APBB2: variants seen among roughly 807,000 people sequenced by gnomAD.
APBB2 encodes the protein amyloid beta precursor protein binding family B member 2.
A neutral mutation model predicts 82.5 loss-of-function variants in APBB2; 38 were observed. The observed-to-expected ratio is 0.46, with a 90% confidence interval of 0.36 to 0.60. The LOEUF is 0.60. Among genes scored for constraint, APBB2 ranks in the 20% least tolerant of loss-of-function variants. The pLI is 0.00. For missense variants in APBB2, 772 were observed against 972.3 expected (o/e 0.79, Z 2.74); for synonymous variants, 341 against 368.2 (o/e 0.93, Z 0.85).
chr4:40,874,868 C>CTAAG (rs1766469860), intron 12 of APBB2, among the ~76,000 whole-genome samples: 1 of 152,202 alleles, frequency 6.6e-6, no homozygotes, highest in African/African-American at 2.4e-5. Flanking sequence ...TCAAAAACTT[C>CTAAG]TTAGAAAATT....
chr4:41,151,003 G>A (rs1043772822), intron 1 of APBB2, among the ~76,000 whole-genome samples: 1 of 152,084 alleles, frequency 6.6e-6, no homozygotes, highest in East Asian at 1.9e-4. Context: ...CTCTCAAAGC[G>A]CTGGCCCAGA....
chr4:41,167,534 TTTTTA>T (rs767974202), intron 1 of APBB2, among the ~76,000 whole-genome samples: 5 of 152,206 alleles, frequency 3.3e-5, no homozygotes, highest in African/African-American at 9.7e-5. Context: ...TGTTAATTTT[TTTTTA>T]TTTTATCACA....
intron 12 of APBB2, among the ~76,000 whole-genome samples, chr4:40,850,166 G>A (rs1017119380): frequency 1.3e-5 from 2 of 152,108 alleles, no homozygotes; most frequent in South Asian, 4.1e-4. Flanking sequence ...GTTAAGACAC[G>A]GAGTCTTAGA....
intron 2 of APBB2, among the ~76,000 whole-genome samples, chr4:41,116,474 T>C (rs1471762015): frequency 6.6e-6 from 1 of 151,892 alleles, no homozygotes; most frequent in Non-Finnish European, 1.5e-5. Context: ...CTTAAAAAAA[T>C]ACAAAAATGA....
chr4:40,953,119 AC>A (rs1280315284), intron 6 of APBB2, among the ~76,000 whole-genome samples: 1 of 151,796 alleles, frequency 6.6e-6, no homozygotes, highest in Non-Finnish European at 1.5e-5. Context: ...ACATGGTGAA[AC>A]CCCATCTCTA....
At chr4:41,064,123 C>T (rs1730826682) in intron 4 of APBB2, among the ~76,000 whole-genome samples, 1 of 151,962 alleles carries the variant, frequency 6.6e-6, no homozygotes, top group African/African-American at 2.4e-5. Context: ...GGACTACAGG[C>T]ACCCGCCCCC....
intron 3 of APBB2, among the ~76,000 whole-genome samples, chr4:41,091,706 T>C (rs1741781636): frequency 6.6e-6 from 1 of 152,192 alleles, no homozygotes; most frequent in Non-Finnish European, 1.5e-5. Flanking sequence ...ATTATTTCTT[T>C]CTTCCACAAC....
chr4:41,198,535 G>A, intron 1 of APBB2, among the ~76,000 whole-genome samples: 2 of 152,146 alleles, frequency 1.3e-5, no homozygotes, highest in African/African-American at 4.8e-5. Context: ...TTTTACAGAT[G>A]AGTCAACTGT....
chr4:41,126,535 C>T (rs1361044987), intron 2 of APBB2, among the ~76,000 whole-genome samples: 1 of 152,246 alleles, frequency 6.6e-6, no homozygotes, highest in Non-Finnish European at 1.5e-5. Context: ...CTCCCTCTTC[C>T]TGACTTGCAG....
chr4:40,863,720 C>T (rs921124860), intron 12 of APBB2, among the ~76,000 whole-genome samples: 3 of 151,612 alleles, frequency 2.0e-5, no homozygotes, highest in African/African-American at 7.3e-5. Flanking sequence ...TGGTGAAACC[C>T]TGTTTCTACG....
At chr4:40,925,693 C>G (rs934280673) in intron 10 of APBB2, among the ~76,000 whole-genome samples, 3 of 151,022 alleles carry the variant, frequency 2.0e-5, no homozygotes, top group African/African-American at 7.4e-5. Flanking sequence ...CATATAAATG[C>G]TAAGTAATGA....
chr4:41,044,625 T>C (rs1244968295), intron 4 of APBB2, among the ~76,000 whole-genome samples: 1 of 152,248 alleles, frequency 6.6e-6, no homozygotes, highest in Non-Finnish European at 1.5e-5. Context: ...ATAAAAATAC[T>C]GGCTCACATT....
chr4:40,920,759 T>A (rs1781051900), intron 10 of APBB2, among the ~76,000 whole-genome samples: 2 of 152,164 alleles, frequency 1.3e-5, no homozygotes, highest in Admixed American at 1.3e-4. Context: ...TAATCCCAGC[T>A]AGTCAGGAGG....
chr4:40,918,621 G>A (rs1196561518), intron 10 of APBB2, among the ~76,000 whole-genome samples: 1 of 152,188 alleles, frequency 6.6e-6, no homozygotes, highest in African/African-American at 2.4e-5. Context: ...AACTCAAGGA[G>A]CATGCAAAGG....
At chr4:41,150,454 T>A (rs906528254) in intron 1 of APBB2, among the ~76,000 whole-genome samples, 26 of 152,224 alleles carry the variant, frequency 1.7e-4, no homozygotes, top group African/African-American at 6.3e-4. Context: ...TAGGAATTAT[T>A]GCCAAAGCTA....
At chr4:41,212,240 C>A (rs1779504529) in intron 1 of APBB2, among the ~76,000 whole-genome samples, 1 of 152,210 alleles carries the variant, frequency 6.6e-6, no homozygotes, top group Non-Finnish European at 1.5e-5. Context: ...CATGTGGATT[C>A]TTACAATATA....
chr4:41,064,949 T>C (rs1160477555), intron 4 of APBB2, among the ~76,000 whole-genome samples: 1 of 152,096 alleles, frequency 6.6e-6, no homozygotes, highest in Non-Finnish European at 1.5e-5. Context: ...TAACATATTG[T>C]GATGAAAAAG....
At chr4:40,950,987 C>T (rs2154383891) in intron 6 of APBB2, among the ~76,000 whole-genome samples, 1 of 151,958 alleles carries the variant, frequency 6.6e-6, no homozygotes, top group African/African-American at 2.4e-5. Flanking sequence ...GAAGACAAAA[C>T]AGAATATATT....
At chr4:41,026,108 G>T (rs1714087558) in intron 5 of APBB2, among the ~76,000 whole-genome samples, 1 of 152,096 alleles carries the variant, frequency 6.6e-6, no homozygotes, top group Non-Finnish European at 1.5e-5. Context: ...AAACCAAGTA[G>T]CACATTTTCT....
Sources: gnomAD v4.1 joint callset for allele counts (sites outside exome capture counted in the v4.1 genomes callset) on GRCh38, gnomAD v4.1.1 for gene constraint, MANE v1.5 for transcripts, NCBI Gene and HGNC (gene_info 2026-07-23, HGNC 2026-07-21) for gene names.